Variants in MXD4 observed in about 807,000 individuals in gnomAD.
MXD4 encodes the protein Mad4 homolog.
MXD4 carries 16 observed loss-of-function variants against 24.5 expected under a neutral mutation model. The observed-to-expected ratio is 0.65, with a 90% CI of 0.44 to 0.99. The LOEUF (loss-of-function observed/expected upper bound fraction) is 0.99. Ranked by LOEUF, MXD4 falls within the 50% of genes least tolerant of loss-of-function variation. The pLI, the probability that MXD4 is intolerant of heterozygous loss-of-function variation, is 0.00. For missense variants in MXD4, 301 were observed against 301.5 expected (o/e 1.00, Z 0.01); for synonymous variants, 164 against 134.2 (o/e 1.22, Z -1.54).
In MXD4 at chr4:2,252,799, G is replaced by A. The variant is rs556614614; in HGVS notation, c.195-277C>T. 97 of 363,512 alleles carry A rather than the reference G, an allele frequency of 2.7e-4. 1 individual carries two copies. Among genetic ancestry groups the A allele is most frequent in the African/African-American group, 1.9e-3 (91 of 46,772 alleles). 22.5% of individuals were successfully genotyped at this position (363,512 alleles called of 1,614,324 possible). On this transcript the variant is annotated intron_variant, in intron 3 of 5. Coordinates refer to ENST00000337190, the MANE Select transcript of MXD4 (RefSeq NM_006454.3). ...CGCCAGGCATTTCCTAGGAGCCCCA[G>A]CTCGCCCCCCTGCCATCCCCCATCC...
chr4:2,249,448 G>GT lies in MXD4; in HGVS notation c.*1095_*1096insA, dbSNP rs1560111664. On this transcript the variant is annotated 3_prime_UTR_variant, in exon 6 of 6. Transcript: ENST00000337190. ...TTTAGGCTTTCTTCTTTTTAAAAAT[G>GT]GTTTTTTTTTTTTTTCTGGGAAAGC... 33 of 141,112 alleles carry GT rather than the reference G, an allele frequency of 2.3e-4. No homozygotes were observed. The highest frequency in any genetic ancestry group is 9.1e-4 in the African/African-American group (32 of 35,334). 8.7% of individuals were successfully genotyped at this position (141,112 alleles called of 1,614,324 possible). A position where few individuals can be genotyped will look rare whatever the true frequency, so the allele number is the denominator to read the frequency against.
chr4:2,251,205 C>T lies in MXD4; in HGVS notation c.351G>A (p.Glu117=), dbSNP rs140068636. The T allele has an allele frequency of 1.5e-5, 24 of 1,608,078 alleles. No homozygotes were observed. The highest frequency in any genetic ancestry group is 2.0e-5 in the Non-Finnish European group (23 of 1,177,156). ...GGAAACGATGCTCCTGCTGCAGCTG[C>T]TCCTTGATGCTCAGTGCCCGGCGGT... is the stretch of plus-strand genomic sequence containing the variant. ...EQDRRALSIK[E]QLQQEHRFLK... The change falls in exon 5 of 6, where the codon GAG becomes GAA. Residue 117 remains glutamate, a synonymous_variant. Coordinates refer to ENST00000337190, the MANE Select transcript of MXD4 (RefSeq NM_006454.3).
At chr4:2,260,015 A>AG (rs1735507306) in intron 2 of MXD4, among the ~76,000 whole-genome samples, 1 of 152,214 alleles carries the variant, frequency 6.6e-6, no homozygotes, top group Non-Finnish European at 1.5e-5. Flanking sequence ...AGGGGCTCAG[A>AG]GATCCTCTGG....
chr4:2,255,242 G>A (rs570630916), intron 3 of MXD4: 33 of 448,108 alleles, frequency 7.4e-5, no homozygotes, highest in Admixed American at 7.0e-4. Flanking sequence ...GTTAGTGCCC[G>A]CGGGGAGCAG....
At chr4:2,260,549 G>C (rs1436366849) in intron 2 of MXD4, 1 of 455,658 alleles carries the variant, frequency 2.2e-6, no homozygotes, top group African/African-American at 2.0e-5. Context: ...GGCAGCGGGG[G>C]CCGGGCTTGC....
chr4:2,251,024 G>GA, intron 5 of MXD4, 60 bp downstream of exon 5: 7 of 1,469,020 alleles, frequency 4.8e-6, no homozygotes, highest in Non-Finnish European at 6.3e-6. Flanking sequence ...TCCACCCAGG[G>GA]AGCTGCACCA....
In MXD4 at chr4:2,252,539, C is replaced by G. The variant is rs770303342; in HGVS notation, c.195-17G>C. On this transcript the variant is annotated splice_polypyrimidine_tract_variant and intron_variant, in intron 3 of 5. Transcript: ENST00000337190. ...TTGGCTCGTCTGAAAGAGCCAGAGA[C>G]AGAACCATCAGGCTGGGGTGGGGGA... The G allele has an allele frequency of 3.8e-6, 6 of 1,587,178 alleles. No individual in the cohort carries two copies. Among genetic ancestry groups the G allele is most frequent in the Non-Finnish European group, 5.2e-6 (6 of 1,160,518 alleles).
chr4:2,260,668 G>A (rs1000203943), intron 2 of MXD4: 2 of 436,154 alleles, frequency 4.6e-6, no homozygotes, highest in African/African-American at 4.1e-5. Flanking sequence ...TCCCAGCCAG[G>A]GCAGCTGGAG....
chr4:2,258,017 T>TAGAAAGAC lies in MXD4; in HGVS notation c.165-14_165-7dup. 1.2e-6 allele frequency: 2 copies of TAGAAAGAC among 1,613,594 alleles called. No individual in the cohort carries two copies. Among genetic ancestry groups the TAGAAAGAC allele is most frequent in the African/African-American group, 1.3e-5 (1 of 75,044 alleles). ...CTAGCTCGTTGTGTGAAGACCTGTT[T>TAGAAAGAC]AGAAAGACAGAAAGACAGAGCTCAC... is the stretch of plus-strand genomic sequence containing the variant. On this transcript the variant is annotated splice_polypyrimidine_tract_variant and splice_region_variant and intron_variant, in intron 2 of 5. Transcript: ENST00000337190.
intron 2 of MXD4, chr4:2,259,005 T>TCCAGGCAGGACCCCACAGG (rs1484327454): frequency 2.2e-6 from 1 of 454,724 alleles, no homozygotes; most frequent in Non-Finnish European, 4.4e-6. Context: ...ACCTTCCGTG[T>TCCAGGCAGGACCCCACAGG]CCAGGCAGGA....
Position 2,247,942 on chromosome 4 carries a change from C to G in MXD4, c.*2602G>C, listed in dbSNP as rs980945440. The stretch of plus-strand genomic sequence containing the variant: ...ATGCGGGAGCTGCCTTCCAATAAGG[C>G]TGGGGAACCCAAGCCTGAGTCTGGG... On this transcript the variant is annotated 3_prime_UTR_variant, in exon 6 of 6. Transcript: ENST00000337190. The G allele has an allele frequency of 6.6e-6, 1 of 152,462 alleles. No homozygotes were observed. Among genetic ancestry groups the G allele is most frequent in the Non-Finnish European group, 1.5e-5 (1 of 68,198 alleles). The allele number at this position is 152,462 out of a possible 1,614,324, so 9.4% of individuals were successfully genotyped here. A position where few individuals can be genotyped will look rare whatever the true frequency, so the allele number is the denominator to read the frequency against.
At chr4:2,253,631 G>T (rs1274283681) in intron 3 of MXD4, 1 of 152,210 alleles carries the variant, frequency 6.6e-6, no homozygotes, top group Non-Finnish European at 1.5e-5. Context: ...GAGCACCCCA[G>T]CCTTGGCATG....
intron 3 of MXD4, among the ~76,000 whole-genome samples, chr4:2,256,541 A>G (rs964474230): frequency 5.3e-5 from 8 of 152,184 alleles, no homozygotes; most frequent in African/African-American, 2.4e-5. Context: ...CAGGGCCCCA[A>G]GCTCCAGGCC....
At position 2,247,541 on chromosome 4, in the gene MXD4, C is replaced by G. The variant is rs1458944930; in HGVS notation, c.*3003G>C. The G allele has an allele frequency of 6.6e-6, 1 of 152,436 alleles. No individual in the cohort carries two copies. Among genetic ancestry groups the G allele is most frequent in the Non-Finnish European group, 1.5e-5 (1 of 68,188 alleles). The allele number at this position is 152,436 out of a possible 1,614,324, so 9.4% of individuals were successfully genotyped here. On this transcript the variant is annotated 3_prime_UTR_variant, in exon 6 of 6. Transcript: ENST00000337190. The stretch of plus-strand genomic sequence containing the variant: ...TTCCCCCTCTAGCGCACGCCCCCCT[C>G]ACCGGCACCAGGCCCTCGTGTGGCC...
At chr4:2,259,045 T>C (rs569194898) in intron 2 of MXD4, 5 of 443,394 alleles carry the variant, frequency 1.1e-5, no homozygotes, top group South Asian at 7.9e-5. Flanking sequence ...CTCCCGGGCC[T>C]CCCAGGATGC....
intron 3 of MXD4, among the ~76,000 whole-genome samples, chr4:2,255,573 C>T (rs1041705958): frequency 1.2e-4 from 18 of 152,164 alleles, no homozygotes; most frequent in Admixed American, 3.9e-4. Context: ...CCCCTCAGCC[C>T]GGGGCTGCAC....
chr4:2,261,124 G>A (rs1004568338), intron 2 of MXD4, among the ~76,000 whole-genome samples: 2 of 152,246 alleles, frequency 1.3e-5, no homozygotes, highest in Admixed American at 1.3e-4. Context: ...CCATACTGGT[G>A]GCTGGAGTTT....
intron 1 of MXD4, 40 bp downstream of exon 1, chr4:2,261,877 C>T: frequency 7.2e-7 from 1 of 1,397,498 alleles, no homozygotes; most frequent in South Asian, 1.5e-5. Flanking sequence ...CCCCGCCGCC[C>T]GCCCACCGCC....
rs771461495 is a variant in MXD4 at position 2,250,556 on chromosome 4, G to A, written c.618C>T (p.Pro206=). Residue 206 remains proline (P), a synonymous_variant, in exon 6 of 6, where the codon CCC becomes CCT. Transcript: ENST00000337190. ...FGPHCRRLGR[P]ALS ...AGAGGGCACGGGCCTACGAGAGGGC[G>A]GGGCGGCCCAGCCGCCGGCAGTGGG... The A allele has an allele frequency of 1.9e-5, 30 of 1,592,604 alleles. No homozygotes were observed. The highest frequency in any genetic ancestry group is 2.1e-4 in the Middle Eastern group (1 of 4,744).
Sources: allele counts gnomAD v4.1 joint callset (sites outside exome capture counted in the v4.1 genomes callset), GRCh38; gene constraint gnomAD v4.1.1; transcripts MANE v1.5; gene names NCBI Gene and HGNC (gene_info 2026-07-23, HGNC 2026-07-21).